Variants in NFE2L2 observed in about 807,000 individuals in gnomAD.
NFE2L2 encodes NFE2 like bZIP transcription factor 2, also known as nuclear factor erythroid 2-related factor 2.
Under a neutral mutation model 49.6 loss-of-function variants are expected in NFE2L2, and 20 were observed. The observed-to-expected ratio is 0.40, with a 90% CI of 0.28 to 0.59. The LOEUF (loss-of-function observed/expected upper bound fraction) is 0.59. Ranked by LOEUF, NFE2L2 falls within the 20% of genes least tolerant of loss-of-function variation. NFE2L2 has a pLI of 0.40. For synonymous variants in NFE2L2, 244 were observed against 256.5 expected, an observed-to-expected ratio of 0.95 and a Z score of 0.47; for missense variants, 578 against 714.2, an observed-to-expected ratio of 0.81 and a Z score of 2.17.
At chr2:177,250,578 G>A (rs919279091) in intron 1 of NFE2L2, among the ~76,000 whole-genome samples, 1 of 152,194 alleles carries the variant, frequency 6.6e-6, no homozygotes, top group Non-Finnish European at 1.5e-5. Flanking sequence ...ACCCAGGTGG[G>A]TAGTAGTATG....
chr2:177,252,871 C>T (rs1303929133), intron 1 of NFE2L2, among the ~76,000 whole-genome samples: 1 of 152,222 alleles, frequency 6.6e-6, no homozygotes, highest in East Asian at 1.9e-4. Flanking sequence ...GCCCGCTCAC[C>T]ATCTCCCTGC....
At chr2:177,238,997 C>A (rs923467169) in intron 1 of NFE2L2, among the ~76,000 whole-genome samples, 22 of 152,310 alleles carry the variant, frequency 1.4e-4, no homozygotes, top group African/African-American at 4.8e-4. Flanking sequence ...CAAACATACA[C>A]ACACACACAT....
intron 1 of NFE2L2, chr2:177,263,844 C>A: frequency 1.0e-6 from 1 of 985,516 alleles, no homozygotes. Context: ...GCTTCTGAGC[C>A]CGCTGGGCAC....
intron 1 of NFE2L2, among the ~76,000 whole-genome samples, chr2:177,243,918 G>A (rs183421956): frequency 9.9e-5 from 15 of 152,016 alleles, no homozygotes; most frequent in Admixed American, 3.9e-4. Context: ...GCTGCTAGCC[G>A]GAGACCTTGT....
At chr2:177,260,384 G>A (rs1690690097) in intron 1 of NFE2L2, among the ~76,000 whole-genome samples, 1 of 152,158 alleles carries the variant, frequency 6.6e-6, no homozygotes, top group South Asian at 2.1e-4. Flanking sequence ...TATAAGTCCT[G>A]CAGCACACTT....
chr2:177,262,461 G>T (rs1377903482), intron 1 of NFE2L2, among the ~76,000 whole-genome samples: 1 of 152,052 alleles, frequency 6.6e-6, no homozygotes, highest in Non-Finnish European at 1.5e-5. Flanking sequence ...CTTCACACCT[G>T]GAGAGTTTTT....
In NFE2L2 at chr2:177,231,784, T is replaced by A. The variant is rs368456177; in HGVS notation, c.819A>T (p.Ser273=). Reference sequence around the variant, plus strand: ...CAAAATCTGTGTTGACTGTGGCATCTGAATTTAATGAGTTCACTGTCAACT... The same window carrying A: ...CAAAATCTGTGTTGACTGTGGCATCAGAATTTAATGAGTTCACTGTCAACT... ...PNQLTVNSLN[S]DATVNTDFGD... The change falls in exon 5 of 5, where the codon TCA becomes TCT. Residue 273 remains serine, a synonymous_variant. Coordinates refer to ENST00000397062, the MANE Select transcript of NFE2L2 (RefSeq NM_006164.5). 240 of 1,614,230 alleles carry A rather than the reference T, an allele frequency of 1.5e-4. 3 individuals are homozygous for A. The highest frequency in any genetic ancestry group is 7.5e-4 in the South Asian group (68 of 91,090).
At chr2:177,235,495 G>A (rs139900855) in intron 1 of NFE2L2, among the ~76,000 whole-genome samples, 2 of 152,176 alleles carry the variant, frequency 1.3e-5, no homozygotes, top group East Asian at 1.9e-4. Flanking sequence ...AAGGTATTAA[G>A]TTTTAAGACA....
chr2:177,261,720 G>C (rs2105498338), intron 1 of NFE2L2, among the ~76,000 whole-genome samples: 1 of 152,264 alleles, frequency 6.6e-6, no homozygotes, highest in East Asian at 1.9e-4. Context: ...AATTATGTCT[G>C]GCACCCAGGG....
intron 2 of NFE2L2, chr2:177,233,686 T>G (rs1574259770): frequency 1.9e-6 from 1 of 513,508 alleles, no homozygotes; most frequent in Non-Finnish European, 3.4e-6. Flanking sequence ...GTAACGCCAG[T>G]AATCCCTGCT....
At chr2:177,260,910 C>G (rs891473230) in intron 1 of NFE2L2, among the ~76,000 whole-genome samples, 8 of 152,134 alleles carry the variant, frequency 5.3e-5, no homozygotes, top group Non-Finnish European at 1.2e-4. Context: ...GTGGCTCACA[C>G]CTGTAATCCC....
Position 177,252,016 on chromosome 2 carries a change from A to AG in NFE2L2, c.45+12515_45+12516insC, listed in dbSNP as rs72157284. Among the ~76,000 whole-genome samples, 137 of 151,284 alleles carry AG rather than the reference A, an allele frequency of 9.1e-4. 2 individuals carry two copies. The highest frequency in any genetic ancestry group is 3.1e-3 in the African/African-American group (127 of 41,050). ...ACTCTGTCTCAAAAAAAAAAAAAAA[A>AG]AGGGATTTTTTTCAAGAAGAAATGG... On this transcript the variant is annotated intron_variant, in intron 1 of 4. Coordinates refer to ENST00000397062, the MANE Select transcript of NFE2L2 (RefSeq NM_006164.5).
chr2:177,251,698 G>A (rs1003091960), intron 1 of NFE2L2, among the ~76,000 whole-genome samples: 5 of 152,124 alleles, frequency 3.3e-5, no homozygotes, highest in Non-Finnish European at 7.4e-5. Flanking sequence ...GGGCGTGAGT[G>A]TTTACACTGG....
intron 1 of NFE2L2, among the ~76,000 whole-genome samples, chr2:177,257,527 A>G (rs1311513719): frequency 2.0e-5 from 3 of 152,376 alleles, no homozygotes; most frequent in Middle Eastern, 3.4e-3. Flanking sequence ...GTGAAGGGCA[A>G]TGATCAAAGA....
At chr2:177,248,033 T>C (rs1402761398) in intron 1 of NFE2L2, among the ~76,000 whole-genome samples, 1 of 152,172 alleles carries the variant, frequency 6.6e-6, no homozygotes, top group Admixed American at 6.5e-5. Context: ...AACAGGTGTT[T>C]ACTGGCCACT....
intron 1 of NFE2L2, among the ~76,000 whole-genome samples, chr2:177,242,484 C>T (rs944499602): frequency 4.0e-4 from 61 of 152,150 alleles, no homozygotes; most frequent in Non-Finnish European, 7.6e-4. Context: ...TTTACCATTC[C>T]CTGAGTTATA....
chr2:177,246,371 C>T (rs1690129458), intron 1 of NFE2L2, among the ~76,000 whole-genome samples: 1 of 152,098 alleles, frequency 6.6e-6, no homozygotes, highest in Non-Finnish European at 1.5e-5. Flanking sequence ...ATGAAAATGG[C>T]TTTTTAAAAA....
Position 177,264,439 on chromosome 2 carries a change from G to C in NFE2L2, c.45+93C>G, listed in dbSNP as rs1690863030. ...CTGGCTCTGGCCAGACGTGGGGGAAGCCGGTTGCGGCTGTCCCTCCCGGGC... is the reference window on the plus strand; with the variant it reads ...CTGGCTCTGGCCAGACGTGGGGGAACCCGGTTGCGGCTGTCCCTCCCGGGC... On this transcript the variant is annotated intron_variant, in intron 1 of 4. Transcript: ENST00000397062. 6.1e-6 allele frequency: 8 copies of C among 1,316,824 alleles called. 1 individual carries two copies. In the South Asian group the frequency reaches 1.1e-4, roughly 18 times the overall value. The allele number at this position is 1,316,824 out of a possible 1,614,324, so 81.6% of individuals were successfully genotyped here.
chr2:177,243,266 G>A (rs925007346), intron 1 of NFE2L2, among the ~76,000 whole-genome samples: 1 of 151,850 alleles, frequency 6.6e-6, no homozygotes, highest in Non-Finnish European at 1.5e-5. Flanking sequence ...AATTAACTGG[G>A]CATGGACTGA....
Sources: gnomAD v4.1 joint callset for allele counts (sites outside exome capture counted in the v4.1 genomes callset) on GRCh38, gnomAD v4.1.1 for gene constraint, MANE v1.5 for transcripts, NCBI Gene and HGNC (gene_info 2026-07-23, HGNC 2026-07-21) for gene names.